SDK1: variants seen among roughly 807,000 people sequenced by gnomAD.
The protein encoded by SDK1 is sidekick cell adhesion molecule 1, also known as protein sidekick-1.
Under a neutral mutation model 245.5 loss-of-function variants are expected in SDK1, and 157 were observed. The observed-to-expected ratio is 0.64, with a 90% CI of 0.56 to 0.73. The LOEUF is 0.73. Ranked by LOEUF, SDK1 falls within the 30% of genes least tolerant of loss-of-function variation. SDK1 has a pLI of 0.00. For missense variants in SDK1, 3,583 were observed against 3,002.3 expected (o/e 1.19, Z -4.52); for synonymous variants, 1,647 against 1,278.5 (o/e 1.29, Z -6.15).
intron 44 of SDK1, among the ~76,000 whole-genome samples, chr7:4,264,283 C>G (rs1234535544): frequency 1.9e-5 from 2 of 103,590 alleles, no homozygotes; most frequent in African/African-American, 8.2e-5. Context: ...GCGTAGACCT[C>G]TCCTGAGTGG....
chr7:3,880,972 C>G (rs1268501532), intron 5 of SDK1, among the ~76,000 whole-genome samples: 1 of 152,146 alleles, frequency 6.6e-6, no homozygotes, highest in African/African-American at 2.4e-5. Flanking sequence ...AAATGAGTAA[C>G]AAGCCGCCCA....
chr7:3,464,558 C>T (rs1209839253), intron 1 of SDK1, among the ~76,000 whole-genome samples: 1 of 152,066 alleles, frequency 6.6e-6, no homozygotes, highest in African/African-American at 2.4e-5. Flanking sequence ...ACTTGAAATG[C>T]CTTTCATTCT....
At chr7:3,448,956 T>C (rs1012004476) in intron 1 of SDK1, among the ~76,000 whole-genome samples, 6 of 152,174 alleles carry the variant, frequency 3.9e-5, no homozygotes, top group African/African-American at 1.2e-4. Flanking sequence ...ACTAATCAGC[T>C]TGCAACCTAA....
chr7:3,622,306 C>A (rs1367506250), intron 2 of SDK1, among the ~76,000 whole-genome samples: 2 of 152,156 alleles, frequency 1.3e-5, no homozygotes, highest in East Asian at 1.9e-4. Context: ...CATGGTGAAA[C>A]CCCATCTCTA....
At chr7:3,638,932 A>C in intron 2 of SDK1, 72 bp from the exon 3 acceptor site, 1 of 850,212 alleles carries the variant, frequency 1.2e-6, no homozygotes, top group Non-Finnish European at 1.9e-6. Context: ...TTGATAAAAT[A>C]GCATCTGATG....
intron 1 of SDK1, among the ~76,000 whole-genome samples, chr7:3,456,198 CTTGAGT>C (rs1263623582): frequency 3.9e-5 from 6 of 151,996 alleles, no homozygotes; most frequent in African/African-American, 1.4e-4. Flanking sequence ...TATGTTTTTC[CTTGAGT>C]TTATTTTGTT....
At chr7:3,414,658 G>A (rs1779311412) in intron 1 of SDK1, among the ~76,000 whole-genome samples, 1 of 152,086 alleles carries the variant, frequency 6.6e-6, no homozygotes, top group South Asian at 2.1e-4. Flanking sequence ...ATAATCGTAA[G>A]GTTGTTCAAC....
At chr7:3,623,540 C>T (rs769254385) in intron 2 of SDK1, among the ~76,000 whole-genome samples, 2 of 152,098 alleles carry the variant, frequency 1.3e-5, no homozygotes, top group African/African-American at 2.4e-5. Flanking sequence ...TGCACCCGGC[C>T]TCAAATGTTA....
In SDK1 at chr7:3,596,422, C is replaced by T. The variant is rs368290857; in HGVS notation, c.299-22658C>T. 3.9e-5 allele frequency among the ~76,000 whole-genome samples: 6 copies of T among 152,290 alleles called. No individual in the cohort carries two copies. In the South Asian group the frequency reaches 6.2e-4, roughly 16 times the overall value. On this transcript the variant is annotated intron_variant, in intron 1 of 44. Transcript: ENST00000404826. ...GGAAAGTGTGTCTCCATTTCTGTAA[C>T]AATGGGTAGATGTCTGCTCTAAGGA... is the stretch of plus-strand genomic sequence containing the variant.
intron 19 of SDK1, among the ~76,000 whole-genome samples, chr7:4,062,294 C>T (rs1259220211): frequency 6.6e-6 from 1 of 152,062 alleles, no homozygotes; most frequent in Non-Finnish European, 1.5e-5. Flanking sequence ...ACTGATACCA[C>T]AGAAATACAA....
intron 35 of SDK1, among the ~76,000 whole-genome samples, chr7:4,193,357 T>TACAATATATAA (rs1783345488): frequency 9.5e-6 from 1 of 105,680 alleles, no homozygotes; most frequent in Non-Finnish European, 1.7e-5. Context: ...AATATATTTA[T>TACAATATATAA]ATATATTAAA....
intron 5 of SDK1, among the ~76,000 whole-genome samples, chr7:3,913,394 C>T (rs930492931): frequency 2.0e-5 from 3 of 151,408 alleles, no homozygotes; most frequent in African/African-American, 2.4e-5. Context: ...CCCAGGTTCA[C>T]GCCATTCTCC....
chr7:3,607,522 C>T (rs1221346984), intron 1 of SDK1, among the ~76,000 whole-genome samples: 3 of 152,092 alleles, frequency 2.0e-5, no homozygotes, highest in Non-Finnish European at 4.4e-5. Context: ...ATTTCATAGA[C>T]GTTTACTAGG....
chr7:4,047,750 T>C (rs1034428653), intron 17 of SDK1, among the ~76,000 whole-genome samples: 2 of 152,220 alleles, frequency 1.3e-5, no homozygotes, highest in Non-Finnish European at 2.9e-5. Context: ...AGGCCCATCT[T>C]TCCTTGTGTT....
intron 25 of SDK1, among the ~76,000 whole-genome samples, chr7:4,116,405 G>A (rs967701162): frequency 3.3e-5 from 5 of 152,312 alleles, no homozygotes; most frequent in Admixed American, 6.5e-5. Context: ...GCACCAGCAC[G>A]TGCCCAGTGC....
chr7:3,641,842 G>T (rs1428469070), intron 3 of SDK1, 116 bp from the exon 4 acceptor site: 1 of 825,694 alleles, frequency 1.2e-6, no homozygotes, highest in African/African-American at 1.7e-5. Flanking sequence ...TCGTCCTGGT[G>T]TGAAATGTGG....
At chr7:3,351,862 G>GA (rs1780668993) in intron 1 of SDK1, among the ~76,000 whole-genome samples, 2 of 152,190 alleles carry the variant, frequency 1.3e-5, no homozygotes, top group Non-Finnish European at 2.9e-5. Context: ...AAGACTTAAA[G>GA]AACATGATCA....
intron 17 of SDK1, among the ~76,000 whole-genome samples, chr7:4,033,638 A>G (rs994845863): frequency 6.6e-6 from 1 of 152,228 alleles, no homozygotes; most frequent in African/African-American, 2.4e-5. Context: ...AAATTAGAAG[A>G]AAAATGGGCA....
intron 4 of SDK1, among the ~76,000 whole-genome samples, chr7:3,718,632 T>C (rs1047839822): frequency 2.0e-5 from 3 of 152,120 alleles, no homozygotes; most frequent in African/African-American, 7.2e-5. Flanking sequence ...AATCTAGTTA[T>C]AGGGAGTAGC....
Sources: allele counts gnomAD v4.1 joint callset (sites outside exome capture counted in the v4.1 genomes callset), GRCh38; gene constraint gnomAD v4.1.1; transcripts MANE v1.5; gene names NCBI Gene and HGNC (gene_info 2026-07-23, HGNC 2026-07-21).